ANKHD1: variants seen among roughly 807,000 people sequenced by gnomAD.
The protein encoded by ANKHD1 is ankyrin repeat and KH domain-containing protein 1.
In ANKHD1, 31 loss-of-function variants were observed where a neutral mutation model predicts 230.5. That is an observed-to-expected ratio of 0.13 (90% CI 0.10 to 0.18). The LOEUF (loss-of-function observed/expected upper bound fraction) is 0.18. Ranked by LOEUF, ANKHD1 falls within the 10% of genes least tolerant of loss-of-function variation. The probability of loss-of-function intolerance (pLI) is 1.00; values close to 1 mark genes in which losing one functional copy is unlikely to be tolerated. For synonymous variants in ANKHD1, 1,074 were observed against 1,117.6 expected (o/e 0.96, Z 0.78); for missense variants, 2,256 against 3,071.3 (o/e 0.73, Z 6.27).
chr5:140,409,066 A>G (rs1770712904), intron 1 of ANKHD1, among the ~76,000 whole-genome samples: 2 of 152,172 alleles, frequency 1.3e-5, no homozygotes, highest in Admixed American at 6.6e-5. Context: ...GACGTTGCCA[A>G]ATGTCTCCTA....
intron 9 of ANKHD1, among the ~76,000 whole-genome samples, chr5:140,463,551 A>T (rs1388043443): frequency 6.6e-6 from 1 of 152,164 alleles, no homozygotes; most frequent in Admixed American, 6.5e-5. Flanking sequence ...TGGGGAATAT[A>T]TATTTTTCTT....
In ANKHD1 at chr5:140,449,419, C is replaced by T. The variant is rs1032138113; in HGVS notation, c.1242+114C>T. 11 of 1,209,222 alleles carry T rather than the reference C, an allele frequency of 9.1e-6. 1 individual carries two copies. The highest frequency in any genetic ancestry group is 2.6e-4 in the Middle Eastern group (1 of 3,858). 74.9% of individuals were successfully genotyped at this position (1,209,222 alleles called of 1,614,324 possible). On this transcript the variant is annotated intron_variant, in intron 7 of 33. Coordinates refer to ENST00000360839, the MANE Select transcript of ANKHD1 (RefSeq NM_017747.3). ...GTGGCTCACGCCTGTAATCCCAGCA[C>T]TTTGAGAGGCCAAGTCGGGCGGATC... is the stretch of plus-strand genomic sequence containing the variant.
At chr5:140,460,588 A>C (rs557696221) in intron 9 of ANKHD1, among the ~76,000 whole-genome samples, 27 of 152,168 alleles carry the variant, frequency 1.8e-4, no homozygotes, top group Middle Eastern at 6.8e-3. Flanking sequence ...TGGTGTGAAT[A>C]TGTTCCACTG....
intron 1 of ANKHD1, among the ~76,000 whole-genome samples, chr5:140,429,562 G>A (rs927200230): frequency 6.6e-6 from 1 of 152,142 alleles, no homozygotes; most frequent in African/African-American, 2.4e-5. Flanking sequence ...TTAAGAGCTT[G>A]GCTGGTGTTC....
intron 1 of ANKHD1, among the ~76,000 whole-genome samples, chr5:140,435,038 A>G (rs1263535187): frequency 6.6e-6 from 1 of 152,184 alleles, no homozygotes; most frequent in East Asian, 1.9e-4. Flanking sequence ...TTTTGCTTAT[A>G]CCATTCATTC....
At chr5:140,537,358 G>T in intron 30 of ANKHD1, 31 bp from the exon 31 acceptor site, 2 of 1,610,898 alleles carry the variant, frequency 1.2e-6, no homozygotes, top group Non-Finnish European at 1.7e-6. Flanking sequence ...TATTCCATCT[G>T]TTTCTTCGGG....
At position 140,529,515 on chromosome 5, in the gene ANKHD1, A is replaced by C. The variant is rs1753725751; in HGVS notation, c.6569A>C (p.Gln2190Pro). 1.2e-6 allele frequency: 2 copies of C among 1,614,226 alleles called. No individual in the cohort carries two copies. The highest frequency in any genetic ancestry group is 4.5e-5 in the East Asian group (2 of 44,888). The change falls in exon 29 of 34, where the codon CAG becomes CCG. Residue 2190 changes from glutamine (Q) to proline (P), a missense_variant. Coordinates refer to ENST00000360839, the MANE Select transcript of ANKHD1 (RefSeq NM_017747.3). ...SSAVNIMNGS[Q>P]MHINPANKSL... ...GCTGTGAACATTATGAATGGTTCTC[A>C]GATGCACATAAACCCAGCAAATAAG...
chr5:140,538,046 C>T, intron 31 of ANKHD1, 40 bp from the exon 32 acceptor site: 1 of 1,567,770 alleles, frequency 6.4e-7, no homozygotes, highest in Non-Finnish European at 8.6e-7. Flanking sequence ...TTGTTTTATC[C>T]AAATAAATTT....
intron 24 of ANKHD1, among the ~76,000 whole-genome samples, chr5:140,521,557 T>G (rs2127078165): frequency 6.6e-6 from 1 of 152,364 alleles, no homozygotes; most frequent in African/African-American, 2.4e-5. Flanking sequence ...ACAGTGAAAT[T>G]TATCAGTATT....
intron 24 of ANKHD1, among the ~76,000 whole-genome samples, chr5:140,519,089 T>A (rs959366247): frequency 2.0e-5 from 3 of 152,076 alleles, no homozygotes; most frequent in African/African-American, 7.2e-5. Flanking sequence ...TCAGCAAAGT[T>A]TCAGGATACA....
intron 4 of ANKHD1, 79 bp from the exon 5 acceptor site, chr5:140,440,916 A>C (rs1052247322): frequency 4.4e-6 from 6 of 1,366,018 alleles, no homozygotes; most frequent in Non-Finnish European, 5.7e-6. Context: ...GAATATCTTC[A>C]GAGATTCAGT....
intron 15 of ANKHD1, among the ~76,000 whole-genome samples, chr5:140,499,799 A>G (rs1752196146): frequency 6.6e-6 from 1 of 152,156 alleles, no homozygotes; most frequent in Admixed American, 6.6e-5. Context: ...TAGGAATATA[A>G]AGTAATTTAA....
intron 24 of ANKHD1, among the ~76,000 whole-genome samples, chr5:140,521,214 A>T (rs1198080753): frequency 6.6e-6 from 1 of 152,244 alleles, no homozygotes; most frequent in South Asian, 2.1e-4. Flanking sequence ...TTGACAGCAA[A>T]TTTTGGTTTA....
chr5:140,438,396 A>G (rs1051274983), intron 2 of ANKHD1, 65 bp from the exon 3 acceptor site: 6 of 1,448,866 alleles, frequency 4.1e-6, no homozygotes, highest in Non-Finnish European at 5.5e-6. Flanking sequence ...TATAATTACA[A>G]TTTGCACTTT....
chr5:140,492,330 G>C (rs1031079351), intron 14 of ANKHD1, among the ~76,000 whole-genome samples: 3 of 152,156 alleles, frequency 2.0e-5, no homozygotes, highest in African/African-American at 7.2e-5. Context: ...ATGTAACACA[G>C]ATGTTTCTTT....
At chr5:140,512,777 A>G (rs1450479558) in intron 22 of ANKHD1, 51 bp from the exon 23 acceptor site, 3 of 1,480,746 alleles carry the variant, frequency 2.0e-6, no homozygotes, top group African/African-American at 2.9e-5. Context: ...CTTAAGAATA[A>G]TAATTTTTCT....
At chr5:140,500,002 G>T (rs1388961599) in intron 15 of ANKHD1, among the ~76,000 whole-genome samples, 1 of 151,662 alleles carries the variant, frequency 6.6e-6, no homozygotes, top group Non-Finnish European at 1.5e-5. Context: ...CCGAGTAACT[G>T]GGATTACAGG....
intron 22 of ANKHD1, 132 bp downstream of exon 22, chr5:140,510,313 T>A: frequency 1.8e-6 from 2 of 1,118,618 alleles, no homozygotes; most frequent in Non-Finnish European, 2.3e-6. Context: ...TCCATTCTTT[T>A]TTTTTTTTTT....
chr5:140,486,343 G>A (rs1751500285), intron 13 of ANKHD1, among the ~76,000 whole-genome samples: 1 of 152,136 alleles, frequency 6.6e-6, no homozygotes, highest in Admixed American at 6.5e-5. Context: ...GGAATTACAG[G>A]CGTGAGCCAC....
Sources: allele counts gnomAD v4.1 joint callset (sites outside exome capture counted in the v4.1 genomes callset), GRCh38; gene constraint gnomAD v4.1.1; transcripts MANE v1.5; gene names NCBI Gene and HGNC (gene_info 2026-07-23, HGNC 2026-07-21).